The following AUTS2 variants were observed in gnomAD, a reference collection of about 807,000 sequenced individuals.
AUTS2 encodes activator of transcription and developmental regulator AUTS2.
In AUTS2, 17 loss-of-function variants were observed where a neutral mutation model predicts 112.4. The ratio of observed to expected loss-of-function variants is 0.15; its 90% CI spans 0.10 to 0.23. The LOEUF (loss-of-function observed/expected upper bound fraction) is 0.23, where lower values mean the gene tolerates loss of function less well. Ranked by LOEUF, AUTS2 falls within the 10% of genes least tolerant of loss-of-function variation. The pLI is 1.00. For synonymous variants in AUTS2, 751 were observed against 702.7 expected (o/e 1.07, Z -1.09); for missense variants, 1,510 against 1,701.6 (o/e 0.89, Z 1.98).
At chr7:69,812,890 C>G (rs1790602849) in intron 1 of AUTS2, among the ~76,000 whole-genome samples, 1 of 152,164 alleles carries the variant, frequency 6.6e-6, no homozygotes, top group Non-Finnish European at 1.5e-5. Context: ...AGTAGCCTCC[C>G]ACCTGACCTC....
intron 2 of AUTS2, among the ~76,000 whole-genome samples, chr7:70,098,037 C>T (rs1028710219): frequency 2.0e-5 from 3 of 152,136 alleles, no homozygotes; most frequent in African/African-American, 7.2e-5. Context: ...CATTTATTAG[C>T]TGGGTGTGAG....
At chr7:69,901,355 C>T (rs1794963351) in intron 2 of AUTS2, among the ~76,000 whole-genome samples, 1 of 152,106 alleles carries the variant, frequency 6.6e-6, no homozygotes, top group Non-Finnish European at 1.5e-5. Context: ...TGCGGATCCT[C>T]ATCCTTGAAT....
At chr7:70,443,743 A>G (rs918621473) in intron 5 of AUTS2, among the ~76,000 whole-genome samples, 3 of 152,160 alleles carry the variant, frequency 2.0e-5, no homozygotes, top group African/African-American at 7.2e-5. Context: ...ACAAGTGTCT[A>G]CTGATGAACT....
intron 5 of AUTS2, among the ~76,000 whole-genome samples, chr7:70,588,862 G>A (rs924154451): frequency 5.9e-5 from 9 of 152,082 alleles, no homozygotes; most frequent in African/African-American, 1.2e-4. Flanking sequence ...CTCTGCTTTC[G>A]CTGGCTTTGT....
At chr7:70,207,788 G>A (rs1210171400) in intron 4 of AUTS2, among the ~76,000 whole-genome samples, 1 of 151,990 alleles carries the variant, frequency 6.6e-6, no homozygotes, top group Non-Finnish European at 1.5e-5. Context: ...GAGGAGGGTG[G>A]ATCACCTGAG....
intron 2 of AUTS2, among the ~76,000 whole-genome samples, chr7:70,100,293 C>G (rs1804414989): frequency 6.6e-6 from 1 of 152,160 alleles, no homozygotes. Context: ...CTTTAGGACA[C>G]TTTTCTGGGC....
intron 2 of AUTS2, among the ~76,000 whole-genome samples, chr7:69,940,778 C>G (rs1283952971): frequency 6.6e-6 from 1 of 151,936 alleles, no homozygotes; most frequent in African/African-American, 2.4e-5. Flanking sequence ...GCAGCCTGGA[C>G]CAAGGTAGTA....
chr7:69,963,559 A>T (rs980160850), intron 2 of AUTS2, among the ~76,000 whole-genome samples: 7 of 152,192 alleles, frequency 4.6e-5, no homozygotes, highest in Non-Finnish European at 5.9e-5. Context: ...TGACTGAGCT[A>T]CTAAGCAGAG....
intron 5 of AUTS2, among the ~76,000 whole-genome samples, chr7:70,625,367 A>G (rs565468072): frequency 2.6e-5 from 4 of 152,180 alleles, no homozygotes; most frequent in Non-Finnish European, 4.4e-5. Context: ...CAGCCGTTGA[A>G]GTTGCTGTTT....
intron 5 of AUTS2, among the ~76,000 whole-genome samples, chr7:70,581,695 C>G (rs1802456537): frequency 6.6e-6 from 1 of 152,216 alleles, no homozygotes; most frequent in South Asian, 2.1e-4. Flanking sequence ...TAACCAAGAA[C>G]AGACCTGGTT....
intron 2 of AUTS2, among the ~76,000 whole-genome samples, chr7:70,046,405 A>G (rs1354043722): frequency 6.6e-6 from 1 of 152,240 alleles, no homozygotes; most frequent in Non-Finnish European, 1.5e-5. Context: ...CGCACATACT[A>G]CATAAGTACT....
intron 2 of AUTS2, among the ~76,000 whole-genome samples, chr7:70,068,097 AAAAC>A (rs1316453276): frequency 2.0e-5 from 3 of 152,196 alleles, no homozygotes; most frequent in African/African-American, 7.2e-5. Context: ...GAATGAATTG[AAAAC>A]AGAAAGAAAA....
In AUTS2 at chr7:70,297,070, G is replaced by A. The variant is rs139110537; in HGVS notation, c.661-138682G>A. Among the ~76,000 whole-genome samples, 222 of 144,378 alleles carry A rather than the reference G, an allele frequency of 1.5e-3. 1 individual carries two copies. In the East Asian group the frequency reaches 0.016, roughly 11 times the overall value. 94.7% of individuals were successfully genotyped at this position (144,378 alleles called of 152,430 possible). A position where few individuals can be genotyped will look rare whatever the true frequency, so the allele number is the denominator to read the frequency against. ...TCACTATGTTGCCCAGGCTGGTTTC[G>A]AACTTTTGGACTCAAGCCATCCTCC... On this transcript the variant is annotated intron_variant, in intron 4 of 18. Coordinates refer to ENST00000342771, the MANE Select transcript of AUTS2 (RefSeq NM_015570.4).
chr7:69,965,274 A>G (rs1178476279), intron 2 of AUTS2, among the ~76,000 whole-genome samples: 2 of 152,142 alleles, frequency 1.3e-5, no homozygotes, highest in African/African-American at 4.8e-5. Flanking sequence ...AGAACTTTAC[A>G]TGCATTGTCT....
In AUTS2 at chr7:70,634,216, C is replaced by T. The variant is rs151329153; in HGVS notation, c.691-64353C>T. ...GGTTGGGAGTGCTGGAGTGGGAAGG[C>T]GCCATTTGAAATAGGAGGACAGGAG... On this transcript the variant is annotated intron_variant, in intron 5 of 18. Coordinates refer to ENST00000342771, the MANE Select transcript of AUTS2 (RefSeq NM_015570.4). 1.2e-3 allele frequency among the ~76,000 whole-genome samples: 177 copies of T among 152,168 alleles called. 2 individuals are homozygous for T. Among genetic ancestry groups the T allele is most frequent in the African/African-American group, 3.6e-3 (151 of 41,514 alleles).
At chr7:70,243,893 A>G (rs554234686) in intron 4 of AUTS2, among the ~76,000 whole-genome samples, 1 of 151,974 alleles carries the variant, frequency 6.6e-6, no homozygotes, top group Non-Finnish European at 1.5e-5. Flanking sequence ...TTACCTTGAC[A>G]GTAATAGTAA....
intron 4 of AUTS2, among the ~76,000 whole-genome samples, chr7:70,244,895 G>A (rs1260360337): frequency 2.6e-5 from 4 of 151,970 alleles, no homozygotes; most frequent in African/African-American, 9.7e-5. Context: ...TGAGACAGGT[G>A]GATCACTTAA....
At chr7:69,840,523 G>A (rs1791929727) in intron 1 of AUTS2, among the ~76,000 whole-genome samples, 1 of 152,152 alleles carries the variant, frequency 6.6e-6, no homozygotes, top group African/African-American at 2.4e-5. Flanking sequence ...ATATATGTGT[G>A]GGTGGGATAA....
intron 1 of AUTS2, among the ~76,000 whole-genome samples, chr7:69,834,377 T>C (rs1791630211): frequency 6.6e-6 from 1 of 152,208 alleles, no homozygotes; most frequent in Non-Finnish European, 1.5e-5. Context: ...TCACTCTGCC[T>C]TCTTCACCTG....
Sources: allele counts gnomAD v4.1 joint callset (sites outside exome capture counted in the v4.1 genomes callset), GRCh38; gene constraint gnomAD v4.1.1; transcripts MANE v1.5; gene names NCBI Gene and HGNC (gene_info 2026-07-23, HGNC 2026-07-21).